TTC39C: variants seen among roughly 807,000 people sequenced by gnomAD.
The protein encoded by TTC39C is tetratricopeptide repeat protein 39C.
In TTC39C, 33 loss-of-function variants were observed where a neutral mutation model predicts 76.3. The ratio of observed to expected loss-of-function variants is 0.43; its 90% CI spans 0.33 to 0.58. The LOEUF (loss-of-function observed/expected upper bound fraction) is 0.58. TTC39C is among the 20% of genes least tolerant of loss of function. The probability of loss-of-function intolerance (pLI) is 0.04; values close to 1 mark genes in which losing one functional copy is unlikely to be tolerated. For synonymous variants in TTC39C, 254 were observed against 260.6 expected (o/e 0.97, Z 0.24); for missense variants, 595 against 701.4 (o/e 0.85, Z 1.71).
intron 6 of TTC39C, among the ~76,000 whole-genome samples, chr18:24,107,893 G>GA (rs2084766484): frequency 6.9e-6 from 1 of 145,348 alleles, no homozygotes; most frequent in South Asian, 2.2e-4. Context: ...CAAGTAGGGG[G>GA]GGGGGTACAG....
intron 1 of TTC39C, among the ~76,000 whole-genome samples, chr18:24,024,012 A>ATTTTTTTTTTTTTTT: frequency 1.6e-4 from 1 of 6,266 alleles, no homozygotes; most frequent in African/African-American, 5.2e-4. Flanking sequence ...ATATATATAT[A>ATTTTTTTTTTTTTTT]TATATTTTTT....
At chr18:24,035,811 G>A (rs1371097168) in intron 1 of TTC39C, among the ~76,000 whole-genome samples, 1 of 152,080 alleles carries the variant, frequency 6.6e-6, no homozygotes, top group East Asian at 1.9e-4. Flanking sequence ...TGTATTTTCT[G>A]TTTTTGTGTG....
At chr18:24,060,711 A>C (rs911697930) in intron 1 of TTC39C, among the ~76,000 whole-genome samples, 1 of 152,150 alleles carries the variant, frequency 6.6e-6, no homozygotes, top group Non-Finnish European at 1.5e-5. Context: ...TTTCCTATGC[A>C]CAAAGTCCTG....
chr18:24,035,773 T>A (rs535989020), intron 1 of TTC39C, among the ~76,000 whole-genome samples: 1 of 152,284 alleles, frequency 6.6e-6, no homozygotes, highest in African/African-American at 2.4e-5. Flanking sequence ...GCAGAAAAAA[T>A]TTTAATTTTG....
intron 1 of TTC39C, among the ~76,000 whole-genome samples, chr18:24,027,722 G>A (rs1468270983): frequency 6.6e-6 from 1 of 151,976 alleles, no homozygotes; most frequent in Non-Finnish European, 1.5e-5. Flanking sequence ...ACCACACCCG[G>A]CTAATTTTTT....
chr18:24,094,027 C>T (rs1313228330), intron 6 of TTC39C, among the ~76,000 whole-genome samples: 1 of 152,182 alleles, frequency 6.6e-6, no homozygotes, highest in Non-Finnish European at 1.5e-5. Context: ...TAGCATTTTA[C>T]CTACAGTAGG....
chr18:24,025,848 A>G (rs2145665904), intron 1 of TTC39C, among the ~76,000 whole-genome samples: 1 of 152,288 alleles, frequency 6.6e-6, no homozygotes, highest in East Asian at 1.9e-4. Context: ...GGCTGTAGGA[A>G]GGGAAGAGGC....
chr18:24,052,996 G>C (rs1041091071), intron 1 of TTC39C, among the ~76,000 whole-genome samples: 4 of 152,166 alleles, frequency 2.6e-5, no homozygotes, highest in African/African-American at 7.2e-5. Context: ...CTGATTTGTA[G>C]CAGGATTCAA....
intron 1 of TTC39C, 125 bp from the exon 2 acceptor site, chr18:24,064,015 A>C (rs1486075143): frequency 6.8e-6 from 9 of 1,326,346 alleles, no homozygotes; most frequent in Non-Finnish European, 9.1e-6. Context: ...CTGCTTGATG[A>C]CCTTAACTTC....
intron 7 of TTC39C, 145 bp from the exon 8 acceptor site, chr18:24,117,980 T>C (rs2084917324): frequency 1.9e-6 from 1 of 534,056 alleles, no homozygotes; most frequent in South Asian, 3.6e-5. Flanking sequence ...GAAAAAATAA[T>C]TTCTTAGGTT....
At position 24,078,648 on chromosome 18, in the gene TTC39C, C is replaced by T. The variant is rs748836417; in HGVS notation, c.461-1937C>T. Among the ~76,000 whole-genome samples, 68 of 152,182 alleles carry T rather than the reference C, an allele frequency of 4.5e-4. 1 individual carries two copies. Among genetic ancestry groups the T allele is most frequent in the Non-Finnish European group, 1.5e-4 (10 of 68,042 alleles). ...AGGATGTGCTAATTTGCTCCAGCAA[C>T]GAGTTACGACAGCACAAATGAAATG... On this transcript the variant is annotated intron_variant, in intron 4 of 13. Coordinates refer to ENST00000317571, the MANE Select transcript of TTC39C (RefSeq NM_001135993.2).
At chr18:24,075,154 G>A (rs1003752377) in intron 4 of TTC39C, among the ~76,000 whole-genome samples, 11 of 151,916 alleles carry the variant, frequency 7.2e-5, no homozygotes, top group Non-Finnish European at 1.5e-5. Context: ...CTGTCGTGGG[G>A]TGGGGGGAGT....
chr18:24,101,396 C>T (rs2084672772), intron 6 of TTC39C, among the ~76,000 whole-genome samples: 1 of 151,692 alleles, frequency 6.6e-6, no homozygotes, highest in South Asian at 2.1e-4. Flanking sequence ...ATCACCAGGT[C>T]AAGAGATCGA....
At chr18:24,028,105 A>G (rs1389915926) in intron 1 of TTC39C, among the ~76,000 whole-genome samples, 1 of 152,166 alleles carries the variant, frequency 6.6e-6, no homozygotes, top group African/African-American at 2.4e-5. Context: ...CAAAATTACA[A>G]ATGGAGCTAG....
chr18:24,050,999 T>A (rs1029724921), intron 1 of TTC39C, among the ~76,000 whole-genome samples: 31 of 152,252 alleles, frequency 2.0e-4, no homozygotes, highest in African/African-American at 7.0e-4. Context: ...CATGTACGTG[T>A]GTGCTAGAAA....
chr18:23,999,302 G>A (rs1388210025), intron 1 of TTC39C, among the ~76,000 whole-genome samples: 1 of 152,160 alleles, frequency 6.6e-6, no homozygotes, highest in Non-Finnish European at 1.5e-5. Context: ...GAGGGGAAGG[G>A]AGTCAATGTG....
At chr18:24,079,798 T>C (rs955264689) in intron 4 of TTC39C, among the ~76,000 whole-genome samples, 5 of 96,838 alleles carry the variant, frequency 5.2e-5, no homozygotes, top group East Asian at 6.6e-4. Context: ...GTATACATTT[T>C]TTTCTTTCTT....
intron 4 of TTC39C, among the ~76,000 whole-genome samples, chr18:24,074,337 G>A (rs2084276986): frequency 6.6e-6 from 1 of 152,262 alleles, no homozygotes; most frequent in Admixed American, 6.5e-5. Flanking sequence ...ATCCATTCAT[G>A]CCTAGTGTTC....
chr18:24,001,150 C>T (rs1300424301), intron 1 of TTC39C, among the ~76,000 whole-genome samples: 4 of 152,188 alleles, frequency 2.6e-5, no homozygotes, highest in Admixed American at 2.6e-4. Flanking sequence ...TTGGGGTCTT[C>T]TGGATAGTCA....
Sources: allele counts gnomAD v4.1 joint callset (sites outside exome capture counted in the v4.1 genomes callset), GRCh38; gene constraint gnomAD v4.1.1; transcripts MANE v1.5; gene names NCBI Gene and HGNC (gene_info 2026-07-23, HGNC 2026-07-21).